Variants in CERS4 observed in about 807,000 individuals in gnomAD.
The protein encoded by CERS4 is LAG1 homolog, ceramide synthase 4.
Under a neutral mutation model 51.8 loss-of-function variants are expected in CERS4, and 65 were observed. The observed-to-expected ratio is 1.26, with a 90% confidence interval of 1.03 to 1.54. CERS4 has a LOEUF of 1.54. Among genes scored for constraint, CERS4 ranks in the 40% most tolerant of loss-of-function variants. The pLI, the probability that CERS4 is intolerant of heterozygous loss-of-function variation, is 0.00. For missense variants in CERS4, 563 were observed against 500.4 expected, an observed-to-expected ratio of 1.13 and a Z score of -1.19; for synonymous variants, 228 against 208.4, an observed-to-expected ratio of 1.09 and a Z score of -0.81.
chr19:8,231,462 C>T (rs541802681), intron 2 of CERS4, among the ~76,000 whole-genome samples: 7 of 152,254 alleles, frequency 4.6e-5, no homozygotes, highest in South Asian at 2.1e-4. Context: ...AGTTGGAATA[C>T]GTTCAATATC....
intron 2 of CERS4, among the ~76,000 whole-genome samples, chr19:8,245,573 T>C (rs1336630484): frequency 2.0e-5 from 3 of 151,954 alleles, no homozygotes; most frequent in South Asian, 2.1e-4. Context: ...GAAGTCTCGC[T>C]CTCTCACCCA....
chr19:8,254,341 A>AAAAAAAAG (rs1480097605), intron 3 of CERS4, among the ~76,000 whole-genome samples, 158 bp from the exon 4 acceptor site: 3 of 149,364 alleles, frequency 2.0e-5, no homozygotes, highest in Non-Finnish European at 4.5e-5. Flanking sequence ...AAAAAAAAAA[A>AAAAAAAAG]AGTCTTACAC....
chr19:8,255,753 G>T (rs755730940), intron 5 of CERS4, 28 bp downstream of exon 5: 1 of 1,599,876 alleles, frequency 6.3e-7, no homozygotes, highest in Non-Finnish European at 8.5e-7. Flanking sequence ...CTTCTGGGGT[G>T]CAGGGAAGCG....
chr19:8,215,466 A>G (rs1967259020), intron 2 of CERS4, among the ~76,000 whole-genome samples: 1 of 151,106 alleles, frequency 6.6e-6, no homozygotes, highest in Admixed American at 6.6e-5. Flanking sequence ...GCAACAGAGC[A>G]AGACTCTGTC....
chr19:8,218,128 C>G (rs1313118132), intron 2 of CERS4, among the ~76,000 whole-genome samples: 1 of 152,082 alleles, frequency 6.6e-6, no homozygotes. Context: ...CCATACCCAG[C>G]TAATTTTTGT....
intron 2 of CERS4, among the ~76,000 whole-genome samples, chr19:8,243,889 C>T (rs1241938941): frequency 6.6e-6 from 1 of 152,108 alleles, no homozygotes; most frequent in Non-Finnish European, 1.5e-5. Context: ...TAGCCTGACT[C>T]CTGTCCTGAA....
intron 2 of CERS4, among the ~76,000 whole-genome samples, chr19:8,220,305 CCT>C (rs1967477382): frequency 6.6e-6 from 1 of 151,888 alleles, no homozygotes; most frequent in African/African-American, 2.4e-5. Context: ...CTTCAGCCTC[CCT>C]CTCTCTTCTT....
rs114452930 is a variant in CERS4 at position 8,261,724 on chromosome 19, C to T, written c.885C>T (p.Asn295=). The T allele has an allele frequency of 2.2e-4, 352 of 1,614,186 alleles. 4 individuals carry two copies. The African/African-American group carries it at 4.1e-3, about 19-fold the overall frequency. ...CCACATACTACGAGTCCATCAGCAACAGGGGCCCCTTCTTCGGCTACTACT... is the reference window on the plus strand; with the variant it reads ...CCACATACTACGAGTCCATCAGCAATAGGGGCCCCTTCTTCGGCTACTACT... ...LYTTYYESIS[N]RGPFFGYYFF... is the part of the protein sequence containing the mutation. The change falls in exon 11 of 12, where the codon AAC becomes AAT. Residue 295 remains asparagine, a synonymous_variant. Transcript: ENST00000251363.
At chr19:8,227,343 T>C (rs780770225) in intron 2 of CERS4, among the ~76,000 whole-genome samples, 24 of 152,046 alleles carry the variant, frequency 1.6e-4, no homozygotes, top group Non-Finnish European at 2.9e-4. Flanking sequence ...TTTTCTTCTT[T>C]TTCCTTGAGA....
chr19:8,249,986 C>CT (rs911740436), intron 2 of CERS4, among the ~76,000 whole-genome samples: 11 of 150,966 alleles, frequency 7.3e-5, no homozygotes, highest in East Asian at 2.0e-4. Context: ...GACTCAAGTT[C>CT]TTTTTTTTGA....
intron 2 of CERS4, among the ~76,000 whole-genome samples, chr19:8,246,569 GC>G (rs1599566553): frequency 6.6e-6 from 1 of 151,870 alleles, no homozygotes; most frequent in East Asian, 1.9e-4. Context: ...CAAAAAGTCT[GC>G]ATTTCACTTG....
At chr19:8,244,709 A>G (rs1968680956) in intron 2 of CERS4, among the ~76,000 whole-genome samples, 1 of 152,128 alleles carries the variant, frequency 6.6e-6, no homozygotes, top group Non-Finnish European at 1.5e-5. Context: ...ACCAAGGGCA[A>G]CGGAACCCTC....
chr19:8,251,967 C>T (rs1969106061), intron 3 of CERS4, among the ~76,000 whole-genome samples: 1 of 151,572 alleles, frequency 6.6e-6, no homozygotes, highest in Non-Finnish European at 1.5e-5. Flanking sequence ...TAGCTGATTC[C>T]TGTAATGTCA....
intron 8 of CERS4, 83 bp downstream of exon 8, chr19:8,256,793 A>G (rs971498100): frequency 1.3e-6 from 2 of 1,570,102 alleles, no homozygotes; most frequent in Non-Finnish European, 8.6e-7. Context: ...TTACAACCGC[A>G]CCTTGAGAGC....
chr19:8,250,224 C>G (rs572608437), intron 2 of CERS4, among the ~76,000 whole-genome samples: 1 of 152,256 alleles, frequency 6.6e-6, no homozygotes, highest in East Asian at 1.9e-4. Context: ...ATCTGCCCAC[C>G]TCAGCCTCCC....
At chr19:8,259,390 G>T (rs1360273249) in intron 10 of CERS4, among the ~76,000 whole-genome samples, 1 of 152,168 alleles carries the variant, frequency 6.6e-6, no homozygotes, top group Non-Finnish European at 1.5e-5. Context: ...GTGGGTGAGG[G>T]GGAGGGTAGG....
In CERS4 at chr19:8,256,436, G is replaced by A. The variant is rs899688614; in HGVS notation, c.519+150G>A. 4.1e-5 allele frequency: 38 copies of A among 931,318 alleles called. No homozygotes were observed. In the East Asian group the frequency reaches 5.2e-4, roughly 13 times the overall value. The allele number at this position is 931,318 out of a possible 1,614,324, so 57.7% of individuals were successfully genotyped here. ...TGATTCCTCTGGGGAATAGAGAGGG[G>A]CCAGAAAACCAAGCAGGAGCTTCCA... On this transcript the variant is annotated intron_variant, in intron 7 of 11. Transcript: ENST00000251363.
rs1555777239 is a variant in CERS4 at position 8,245,122 on chromosome 19, A to AAAAACAAAAAAAACCAAAAAAAAAC, written c.-1-5950_-1-5949insCAAAAAAAACCAAAAAAAAACAAAA. On this transcript the variant is annotated intron_variant, in intron 2 of 11. Transcript: ENST00000251363. ...GCGAGACTCCATCTCAAAAAAAAAAAAAAAAAAAAAAAACACTCTTGGCTT... is the reference window on the plus strand; with the variant it reads ...GCGAGACTCCATCTCAAAAAAAAAAAAAAACAAAAAAAACCAAAAAAAAACAAAAAAAAAAAAACACTCTTGGCTT... Among the ~76,000 whole-genome samples the AAAAACAAAAAAAACCAAAAAAAAAC allele has an allele frequency of 4.6e-5, 6 of 129,258 alleles. 1 individual carries two copies. Among genetic ancestry groups the AAAAACAAAAAAAACCAAAAAAAAAC allele is most frequent in the Non-Finnish European group, 9.4e-5 (6 of 63,704 alleles). 84.8% of individuals were successfully genotyped at this position (129,258 alleles called of 152,430 possible). A position where few individuals can be genotyped will look rare whatever the true frequency, so the allele number is the denominator to read the frequency against.
chr19:8,253,868 A>G (rs73008794), intron 3 of CERS4, among the ~76,000 whole-genome samples: 2,054 of 152,114 alleles, frequency 0.014, 16 homozygotes, highest in Middle Eastern at 0.048. Context: ...GATAACAGGC[A>G]TGAGTCAGCT....
Sources: gnomAD v4.1 joint callset for allele counts (sites outside exome capture counted in the v4.1 genomes callset) on GRCh38, gnomAD v4.1.1 for gene constraint, MANE v1.5 for transcripts, NCBI Gene and HGNC (gene_info 2026-07-23, HGNC 2026-07-21) for gene names.